Variants in ABCA5 observed in about 807,000 individuals in gnomAD.
The protein encoded by ABCA5 is cholesterol transporter ABCA5.
A neutral mutation model predicts 206.0 loss-of-function variants in ABCA5; 163 were observed. The observed-to-expected ratio is 0.79, with a 90% CI of 0.70 to 0.90. ABCA5 has a LOEUF of 0.90. Ranked by LOEUF, ABCA5 falls within the 40% of genes least tolerant of loss-of-function variation. The pLI is 0.00. For missense variants in ABCA5, 1,859 were observed against 1,912.9 expected (o/e 0.97, Z 0.53); for synonymous variants, 609 against 613.8 (o/e 0.99, Z 0.11).
At chr17:69,253,983 T>C in intron 32 of ABCA5, 114 bp from the exon 33 acceptor site, 4 of 834,936 alleles carry the variant, frequency 4.8e-6, no homozygotes, top group Admixed American at 2.8e-5. Flanking sequence ...TCGAAGCTTA[T>C]TATAAGTAGG....
chr17:69,291,434 A>G, intron 11 of ABCA5, 108 bp from the exon 12 acceptor site: 1 of 568,400 alleles, frequency 1.8e-6, no homozygotes, highest in South Asian at 3.6e-5. Flanking sequence ...CTATAAATAC[A>G]TATTTAAAGT....
chr17:69,283,826 CA>C, intron 18 of ABCA5, 126 bp downstream of exon 18: 3 of 822,250 alleles, frequency 3.6e-6, no homozygotes, highest in Non-Finnish European at 5.1e-6. Context: ...ATCAGTATCT[CA>C]TTACTTATTT....
intron 3 of ABCA5, among the ~76,000 whole-genome samples, chr17:69,309,667 G>A (rs529563921): frequency 6.6e-6 from 1 of 152,064 alleles, no homozygotes; most frequent in South Asian, 2.1e-4. Context: ...ACATGGTGAG[G>A]TTCTGTCTCC....
At chr17:69,290,759 C>T (rs752700487) in intron 12 of ABCA5, among the ~76,000 whole-genome samples, 1 of 151,982 alleles carries the variant, frequency 6.6e-6, no homozygotes. Flanking sequence ...TCTCACCTAC[C>T]AAACAATCAC....
intron 19 of ABCA5, among the ~76,000 whole-genome samples, chr17:69,276,593 G>A (rs1383739144): frequency 2.0e-5 from 3 of 152,096 alleles, no homozygotes; most frequent in Non-Finnish European, 4.4e-5. Flanking sequence ...TCATAAGTGG[G>A]AGCTGAACAA....
intron 3 of ABCA5, 25 bp from the exon 4 acceptor site, chr17:69,309,448 TTAGCTCACAAATTAAAA>T: frequency 6.9e-7 from 1 of 1,455,256 alleles, no homozygotes. Flanking sequence ...AACAATATAG[TTAGCTCACAAATTAAAA>T]TACCACAATA....
intron 34 of ABCA5, among the ~76,000 whole-genome samples, chr17:69,253,104 T>C (rs1016433864): frequency 2.2e-4 from 33 of 152,140 alleles, no homozygotes; most frequent in African/African-American, 8.0e-4. Context: ...AGGTGTGTAG[T>C]AGGCTATAAC....
intron 11 of ABCA5, among the ~76,000 whole-genome samples, chr17:69,292,190 C>T (rs935334117): frequency 6.6e-6 from 1 of 151,988 alleles, no homozygotes; most frequent in Non-Finnish European, 1.5e-5. Flanking sequence ...GATCCTAACG[C>T]CAATAATCTA....
rs2075150833 is a variant in ABCA5, at chr17:69,261,791, G to A, written c.3316-43C>T. The A allele has an allele frequency of 3.9e-6, 3 of 767,732 alleles. 1 individual carries two copies. In the South Asian group the frequency reaches 7.5e-5, roughly 19 times the overall value. The allele number at this position is 767,732 out of a possible 1,614,324, so 47.6% of individuals were successfully genotyped here. A position where few individuals can be genotyped will look rare whatever the true frequency, so the allele number is the denominator to read the frequency against. On this transcript the variant is annotated intron_variant, in intron 24 of 38. Coordinates refer to ENST00000392676, the MANE Select transcript of ABCA5 (RefSeq NM_172232.4). The stretch of plus-strand genomic sequence containing the variant: ...GTTTCTATAAAAATATGAATAGCTT[G>A]CAATACACATGACATGAAATACTAG...
chr17:69,266,832 C>A (rs1453044671), intron 23 of ABCA5, among the ~76,000 whole-genome samples: 1 of 149,834 alleles, frequency 6.7e-6, no homozygotes, highest in African/African-American at 2.4e-5. Flanking sequence ...AAACAAATAA[C>A]AAAATTTTTA....
intron 9 of ABCA5, among the ~76,000 whole-genome samples, chr17:69,298,438 A>G (rs758152138): frequency 9.9e-5 from 15 of 152,030 alleles, no homozygotes; most frequent in Non-Finnish European, 2.1e-4. Flanking sequence ...TACACTCCTC[A>G]TTTTTTTCAA....
At chr17:69,298,120 A>G (rs2075602591) in intron 9 of ABCA5, among the ~76,000 whole-genome samples, 2 of 152,114 alleles carry the variant, frequency 1.3e-5, no homozygotes, top group African/African-American at 2.4e-5. Context: ...CAGGAGGCTG[A>G]GCCTGCAGTG....
chr17:69,254,078 A>C (rs1034509063), intron 32 of ABCA5, among the ~76,000 whole-genome samples: 1 of 152,196 alleles, frequency 6.6e-6, no homozygotes, highest in Non-Finnish European at 1.5e-5. Flanking sequence ...AATAAGTTTC[A>C]TGATATCTAT....
chr17:69,321,402 A>C (rs2075864415), intron 1 of ABCA5, among the ~76,000 whole-genome samples: 1 of 152,220 alleles, frequency 6.6e-6, no homozygotes. Flanking sequence ...GGTTTGACTT[A>C]TCAGGTGCCT....
intron 28 of ABCA5, 52 bp downstream of exon 28, chr17:69,259,654 C>T: frequency 8.1e-7 from 1 of 1,231,234 alleles, no homozygotes; most frequent in African/African-American, 1.5e-5. Context: ...AATGGTTACA[C>T]AGTTCTGTAA....
chr17:69,256,240 G>C lies in ABCA5; in HGVS notation c.3775C>G (p.Pro1259Ala), dbSNP rs1320701424. 1 of 1,608,686 alleles carries C rather than the reference G, an allele frequency of 6.2e-7. No individual in the cohort carries two copies. ...TCTTCATCTTCATCCTCATTGTCTG[G>C]TGGTTCTGGAAGCTTCCTATTTTTA... ...KSKNRKLPEP[P>A]DNEDEDEDVK... The change falls in exon 29 of 39, where the codon CCA becomes GCA. Residue 1259 changes from proline (P) to alanine (A), a missense_variant. Pro to Ala is a conservative substitution (Grantham distance 27, BLOSUM62 -1). Coordinates refer to ENST00000392676, the MANE Select transcript of ABCA5 (RefSeq NM_172232.4).
rs2144972355 is a variant in ABCA5, at chr17:69,286,001, AAG to A, written c.2167_2168del (p.Leu723PhefsTer5). ...GTATATGTTGTTTAACCAGTGAAGA[AAG>A]AGATTCTGTGGCACAATATTTGTCT... Reference protein sequence around the residue: ...YIDKYCATESLSSLVKQHIPG... With the variant: ...YIDKYCATESXSSLVKQHIPG... On this transcript the variant is annotated frameshift_variant, in exon 17 of 39. Coordinates refer to ENST00000392676, the MANE Select transcript of ABCA5 (RefSeq NM_172232.4). LOFTEE classifies it high-confidence loss of function. 1.2e-6 allele frequency: 2 copies of A among 1,612,862 alleles called. No individual in the cohort carries two copies. The highest frequency in any genetic ancestry group is 1.7e-6 in the Non-Finnish European group (2 of 1,179,438).
intron 23 of ABCA5, among the ~76,000 whole-genome samples, chr17:69,265,743 A>T (rs895451751): frequency 6.6e-6 from 1 of 152,214 alleles, no homozygotes; most frequent in African/African-American, 2.4e-5. Context: ...CATGAGACAC[A>T]TGTAAATTCT....
rs530287715 is a variant in ABCA5, at chr17:69,274,627, T to C, written c.2595-499A>G. ...AAATAAGAAATCGTATTCCCCAAAA[T>C]GATCTTATGACAATACTGGAGAGAA... On this transcript the variant is annotated intron_variant, in intron 19 of 38. Coordinates refer to ENST00000392676, the MANE Select transcript of ABCA5 (RefSeq NM_172232.4). Among the ~76,000 whole-genome samples the C allele has an allele frequency of 2.5e-3, 380 of 151,076 alleles. 2 individuals carry two copies. The highest frequency in any genetic ancestry group is 4.8e-3 in the Non-Finnish European group (324 of 67,762).
Sources: allele counts gnomAD v4.1 joint callset (sites outside exome capture counted in the v4.1 genomes callset), GRCh38; gene constraint gnomAD v4.1.1; transcripts MANE v1.5; gene names NCBI Gene and HGNC (gene_info 2026-07-23, HGNC 2026-07-21).